Variants in TRABD2B observed in about 807,000 individuals in gnomAD.
TRABD2B encodes the protein TraB domain containing 2B.
In TRABD2B, 14 loss-of-function variants were observed where a neutral mutation model predicts 40.1. The observed-to-expected ratio is 0.35, with a 90% CI of 0.23 to 0.55. The LOEUF (loss-of-function observed/expected upper bound fraction) is 0.55, where lower values mean the gene tolerates loss of function less well. TRABD2B is among the 20% of genes least tolerant of loss of function. The probability of loss-of-function intolerance (pLI) is 0.90; values close to 1 mark genes in which losing one functional copy is unlikely to be tolerated. For synonymous variants in TRABD2B, 263 were observed against 277.0 expected, an observed-to-expected ratio of 0.95 and a Z score of 0.50; for missense variants, 541 against 648.6, an observed-to-expected ratio of 0.83 and a Z score of 1.80.
At chr1:47,829,738 G>A (rs556614298) in intron 2 of TRABD2B, among the ~76,000 whole-genome samples, 10 of 152,130 alleles carry the variant, frequency 6.6e-5, no homozygotes, top group South Asian at 2.1e-4. Flanking sequence ...ATGACTTCCC[G>A]TGAATAAATT....
chr1:47,791,560 G>A (rs1171724948), intron 4 of TRABD2B, among the ~76,000 whole-genome samples: 2 of 152,152 alleles, frequency 1.3e-5, no homozygotes, highest in Admixed American at 1.3e-4. Context: ...AGAGCCCACT[G>A]AGTCCCAGGG....
intron 2 of TRABD2B, among the ~76,000 whole-genome samples, chr1:47,987,554 C>T (rs571619128): frequency 6.6e-6 from 1 of 152,180 alleles, no homozygotes; most frequent in African/African-American, 2.4e-5. Flanking sequence ...GATGGAGGTG[C>T]ATAAGCTATC....
At position 47,911,010 on chromosome 1, in the gene TRABD2B, G is replaced by A. The variant is rs117092472; in HGVS notation, c.666+83024C>T. Among the ~76,000 whole-genome samples, 34 of 152,306 alleles carry A rather than the reference G, an allele frequency of 2.2e-4. No individual in the cohort carries two copies. In the East Asian group the frequency reaches 6.0e-3, roughly 27 times the overall value. ...GCAGAGGATGGAGCCACCTTTGATC[G>A]GAGGCAATTCCTGGTGATGGTGGAG... On this transcript the variant is annotated intron_variant, in intron 2 of 6. Coordinates refer to ENST00000606738, the MANE Select transcript of TRABD2B (RefSeq NM_001194986.2).
chr1:47,893,068 A>T (rs1160011940), intron 2 of TRABD2B, among the ~76,000 whole-genome samples: 1 of 152,192 alleles, frequency 6.6e-6, no homozygotes, highest in Non-Finnish European at 1.5e-5. Flanking sequence ...GTCAGTGGTG[A>T]GACAGGTCTA....
intron 2 of TRABD2B, among the ~76,000 whole-genome samples, chr1:47,885,887 C>T (rs1644364540): frequency 6.6e-6 from 1 of 152,172 alleles, no homozygotes; most frequent in Non-Finnish European, 1.5e-5. Context: ...TCTCATGCTC[C>T]GTTACCAAAT....
intron 4 of TRABD2B, among the ~76,000 whole-genome samples, chr1:47,789,519 T>C (rs895206689): frequency 6.6e-6 from 1 of 152,116 alleles, no homozygotes; most frequent in African/African-American, 2.4e-5. Flanking sequence ...GGAGGAAACA[T>C]CTTTAACTTC....
rs887186199 is a variant in TRABD2B, at chr1:47,949,602, T to C, written c.666+44432A>G. 4.0e-5 allele frequency among the ~76,000 whole-genome samples: 6 copies of C among 151,648 alleles called. No individual in the cohort carries two copies. In the East Asian group the frequency reaches 1.2e-3, roughly 30 times the overall value. ...TTTGTATTTTTAGTAGAGACAAGGT[T>C]TCACTATGTTGGCCAGGCTGGTCTT... On this transcript the variant is annotated intron_variant, in intron 2 of 6. Coordinates refer to ENST00000606738, the MANE Select transcript of TRABD2B (RefSeq NM_001194986.2).
chr1:47,790,461 C>A (rs977766372), intron 4 of TRABD2B, among the ~76,000 whole-genome samples: 1 of 152,220 alleles, frequency 6.6e-6, no homozygotes, highest in African/African-American at 2.4e-5. Flanking sequence ...CATTTGCACC[C>A]CACCTGCCCT....
chr1:47,826,826 G>A (rs1645182226), intron 2 of TRABD2B, among the ~76,000 whole-genome samples: 2 of 152,184 alleles, frequency 1.3e-5, no homozygotes, highest in African/African-American at 4.8e-5. Context: ...TCCCTCCTTG[G>A]CCTCCCAAAG....
chr1:47,887,791 C>T (rs189990486), intron 2 of TRABD2B, among the ~76,000 whole-genome samples: 85 of 152,294 alleles, frequency 5.6e-4, no homozygotes, highest in Admixed American at 1.4e-3. Context: ...TCTCCCAGAA[C>T]CGCCTTTAGT....
At chr1:47,963,365 A>G (rs1334347318) in intron 2 of TRABD2B, among the ~76,000 whole-genome samples, 2 of 152,220 alleles carry the variant, frequency 1.3e-5, no homozygotes, top group Non-Finnish European at 2.9e-5. Context: ...AGACCAGCAA[A>G]GCATCAGAGC....
chr1:47,818,274 G>A (rs1557590976), intron 2 of TRABD2B: 3 of 152,420 alleles, frequency 2.0e-5, no homozygotes, highest in Non-Finnish European at 4.4e-5. Flanking sequence ...ACAGCTCTTG[G>A]AAGTCAGATG....
At chr1:47,806,803 A>G (rs897669109) in intron 2 of TRABD2B, among the ~76,000 whole-genome samples, 1 of 152,198 alleles carries the variant, frequency 6.6e-6, no homozygotes, top group African/African-American at 2.4e-5. Flanking sequence ...GGTAGACTTG[A>G]AGGCCTATGT....
intron 2 of TRABD2B, among the ~76,000 whole-genome samples, chr1:47,924,428 C>G (rs72898167): frequency 6.6e-6 from 1 of 152,146 alleles, no homozygotes; most frequent in Non-Finnish European, 1.5e-5. Context: ...ACTCCTACCC[C>G]GGTACATGGT....
chr1:47,926,349 T>G (rs1291264200), intron 2 of TRABD2B, among the ~76,000 whole-genome samples: 26 of 152,160 alleles, frequency 1.7e-4, no homozygotes. Flanking sequence ...TCTATTGCAC[T>G]GTAGATCTGC....
Position 47,775,392 on chromosome 1 carries a change from C to T in TRABD2B, c.1127G>A (p.Ser376Asn), listed in dbSNP as rs1478412204. ...PAPSPEGTST[S>N]PAPVTPAAAV... The stretch of plus-strand genomic sequence containing the variant: ...GGCAGCTGGGGTCACTGGGGCCGGG[C>T]TCGTCGAGGTCCCCTCAGGAGAGGG... The change falls in exon 6 of 7, where the codon AGC becomes AAC. Residue 376 changes from serine to asparagine, a missense_variant. Physicochemically the swap from Ser to Asn is conservative, Grantham distance 46. Transcript: ENST00000606738. 4 of 1,236,902 alleles carry T rather than the reference C, an allele frequency of 3.2e-6. No homozygotes were observed. The highest frequency in any genetic ancestry group is 4.0e-6 in the Non-Finnish European group (4 of 989,474). 76.6% of individuals were successfully genotyped at this position (1,236,902 alleles called of 1,614,324 possible). A position where few individuals can be genotyped will look rare whatever the true frequency, so the allele number is the denominator to read the frequency against.
chr1:47,974,770 G>C (rs1272364475), intron 2 of TRABD2B, among the ~76,000 whole-genome samples: 1 of 152,142 alleles, frequency 6.6e-6, no homozygotes, highest in East Asian at 1.9e-4. Context: ...AGGGAAAAAA[G>C]GGTACCTCTA....
At chr1:47,878,244 A>C (rs917631766) in intron 2 of TRABD2B, among the ~76,000 whole-genome samples, 2 of 152,066 alleles carry the variant, frequency 1.3e-5, no homozygotes, top group African/African-American at 2.4e-5. Context: ...TGAACCCGAG[A>C]AGCGGAGGTT....
chr1:47,981,002 CTTTTCTT>C (rs1472216501), intron 2 of TRABD2B, among the ~76,000 whole-genome samples: 1 of 152,098 alleles, frequency 6.6e-6, no homozygotes, highest in African/African-American at 2.4e-5. Context: ...CACATTCCCT[CTTTTCTT>C]TTTTCTTTTC....
Sources: gnomAD v4.1 joint callset for allele counts (sites outside exome capture counted in the v4.1 genomes callset) on GRCh38, gnomAD v4.1.1 for gene constraint, MANE v1.5 for transcripts, NCBI Gene and HGNC (gene_info 2026-07-23, HGNC 2026-07-21) for gene names.